Variants in RBMS3 observed in about 807,000 individuals in gnomAD.
RBMS3 encodes RNA-binding motif, single-stranded-interacting protein 3.
Under a neutral mutation model 66.8 loss-of-function variants are expected in RBMS3, and 27 were observed. The ratio of observed to expected loss-of-function variants is 0.40; its 90% CI spans 0.30 to 0.56. The LOEUF is 0.56. Among genes scored for constraint, RBMS3 ranks in the 20% least tolerant of loss-of-function variants. The pLI is 0.40. For missense variants in RBMS3, 513 were observed against 549.5 expected (o/e 0.93, Z 0.66); for synonymous variants, 188 against 183.0 (o/e 1.03, Z -0.22).
chr3:29,467,083 C>A (rs1288367492), intron 2 of RBMS3, among the ~76,000 whole-genome samples: 1 of 152,144 alleles, frequency 6.6e-6, no homozygotes, highest in Non-Finnish European at 1.5e-5. Flanking sequence ...GAAGAGTTTT[C>A]ATATACTCTA....
chr3:29,711,307 T>C (rs1185828431), intron 4 of RBMS3, among the ~76,000 whole-genome samples: 3 of 152,148 alleles, frequency 2.0e-5, no homozygotes, highest in Non-Finnish European at 4.4e-5. Flanking sequence ...GTAAAGGAAA[T>C]GGACATTGTG....
At position 29,543,006 on chromosome 3, in the gene RBMS3, G is replaced by A. The variant is rs542260652; in HGVS notation, c.308-44108G>A. ...TGATAAAACATGGGTTATAGTCACT[G>A]TGGGAAAGAATCCACTGCATAGCGT... On this transcript the variant is annotated intron_variant, in intron 3 of 14. Coordinates refer to ENST00000383767, the MANE Select transcript of RBMS3 (RefSeq NM_001003793.3). Among the ~76,000 whole-genome samples the A allele has an allele frequency of 8.5e-5, 13 of 152,298 alleles. No homozygotes were observed. In the South Asian group the frequency reaches 1.5e-3, roughly 17 times the overall value.
chr3:29,444,792 T>TTTTTTTTTTTTTTTTTTTTTTTTTTG (rs2041762462), intron 2 of RBMS3, among the ~76,000 whole-genome samples: 1 of 120,730 alleles, frequency 8.3e-6, no homozygotes, highest in Non-Finnish European at 1.7e-5. Flanking sequence ...ATATGCCTTT[T>TTTTTTTTTTTTTTTTTTTTTTTTTTG]TTTTTTTTTT....
intron 3 of RBMS3, among the ~76,000 whole-genome samples, chr3:29,540,044 T>C (rs2045701552): frequency 6.6e-6 from 1 of 152,208 alleles, no homozygotes; most frequent in Non-Finnish European, 1.5e-5. Flanking sequence ...TCATTCACGG[T>C]AAAAATGAAA....
At chr3:29,655,660 A>T (rs969952689) in intron 4 of RBMS3, among the ~76,000 whole-genome samples, 1 of 152,156 alleles carries the variant, frequency 6.6e-6, no homozygotes, top group African/African-American at 2.4e-5. Flanking sequence ...AATAAAGATT[A>T]TGTTATTGGT....
At chr3:29,731,974 T>C (rs2054157148) in intron 4 of RBMS3, among the ~76,000 whole-genome samples, 1 of 151,628 alleles carries the variant, frequency 6.6e-6, no homozygotes, top group Admixed American at 6.6e-5. Flanking sequence ...TCCGTCCCTT[T>C]ACCTTAATCT....
chr3:29,806,576 G>A (rs147482019), intron 6 of RBMS3, among the ~76,000 whole-genome samples: 27 of 151,976 alleles, frequency 1.8e-4, no homozygotes, highest in African/African-American at 6.5e-4. Context: ...ACTCAAAGAC[G>A]AGCACAGAGT....
chr3:29,641,655 C>T (rs2049719916), intron 4 of RBMS3, among the ~76,000 whole-genome samples: 4 of 151,982 alleles, frequency 2.6e-5, no homozygotes. Flanking sequence ...GATTTGGCCA[C>T]TTGTTTTTTT....
intron 1 of RBMS3, among the ~76,000 whole-genome samples, chr3:29,291,962 A>G (rs2032851769): frequency 6.6e-6 from 1 of 151,770 alleles, no homozygotes; most frequent in Non-Finnish European, 1.5e-5. Flanking sequence ...AAGCCTAGAC[A>G]TAGCCATCTT....
At chr3:29,709,520 G>T (rs191622992) in intron 4 of RBMS3, among the ~76,000 whole-genome samples, 1 of 152,268 alleles carries the variant, frequency 6.6e-6, no homozygotes, top group African/African-American at 2.4e-5. Flanking sequence ...TGAGTTATGT[G>T]TATGGCCTTA....
intron 4 of RBMS3, 90 bp downstream of exon 4, chr3:29,587,295 A>G (rs2047567360): frequency 2.9e-6 from 2 of 681,082 alleles, no homozygotes; most frequent in Non-Finnish European, 4.2e-6. Context: ...AGAGAGAGAG[A>G]TCAGGAGGAA....
chr3:29,987,044 A>G (rs1698435876), intron 12 of RBMS3, among the ~76,000 whole-genome samples: 1 of 152,216 alleles, frequency 6.6e-6, no homozygotes, highest in Non-Finnish European at 1.5e-5. Flanking sequence ...AATACTGAAT[A>G]TACTAAGATA....
rs548031550 is a variant in RBMS3, at chr3:29,431,301, C to CT, written c.76-3430dup. ...TGTTTCTTTCTTTCTTTTTCCTTTT[C>CT]TTTTTTTTTTTTGACAGAGTCTCAC... On this transcript the variant is annotated intron_variant, in intron 1 of 14. Transcript: ENST00000383767. 7.3e-4 allele frequency among the ~76,000 whole-genome samples: 97 copies of CT among 132,380 alleles called. 2 individuals carry two copies. The highest frequency in any genetic ancestry group is 4.1e-3 in the Middle Eastern group (1 of 244). The allele number at this position is 132,380 out of a possible 152,430, so 86.8% of individuals were successfully genotyped here. A position where few individuals can be genotyped will look rare whatever the true frequency, so the allele number is the denominator to read the frequency against.
At chr3:29,756,782 G>A (rs2055434766) in intron 5 of RBMS3, among the ~76,000 whole-genome samples, 2 of 152,006 alleles carry the variant, frequency 1.3e-5, no homozygotes, top group Non-Finnish European at 1.5e-5. Context: ...GACTCTCAAA[G>A]CACTTTATGT....
At chr3:29,347,920 A>T (rs1306223729) in intron 1 of RBMS3, among the ~76,000 whole-genome samples, 2 of 152,234 alleles carry the variant, frequency 1.3e-5, no homozygotes, top group Non-Finnish European at 2.9e-5. Flanking sequence ...ATTCACATTA[A>T]TATACTCAAT....
At chr3:29,505,458 A>G (rs2044145492) in intron 3 of RBMS3, among the ~76,000 whole-genome samples, 1 of 149,484 alleles carries the variant, frequency 6.7e-6, no homozygotes, top group African/African-American at 2.5e-5. Context: ...TTATTATTGT[A>G]GCTTTGTAGT....
intron 4 of RBMS3, among the ~76,000 whole-genome samples, chr3:29,709,522 A>G (rs1349453803): frequency 6.6e-6 from 1 of 152,168 alleles, no homozygotes; most frequent in East Asian, 1.9e-4. Flanking sequence ...AGTTATGTGT[A>G]TGGCCTTATG....
chr3:29,635,580 G>T (rs991439441), intron 4 of RBMS3, among the ~76,000 whole-genome samples: 1 of 151,744 alleles, frequency 6.6e-6, no homozygotes, highest in African/African-American at 2.4e-5. Context: ...AGTTTCTGCT[G>T]CCTTCTATCC....
Position 29,809,683 on chromosome 3 carries a change from AT to A in RBMS3, c.637+46703del, listed in dbSNP as rs574708630. Among the ~76,000 whole-genome samples, 5 of 151,134 alleles carry A rather than the reference AT, an allele frequency of 3.3e-5. No homozygotes were observed. The East Asian group carries it at 7.7e-4, about 23-fold the overall frequency. On this transcript the variant is annotated intron_variant, in intron 6 of 14. Coordinates refer to ENST00000383767, the MANE Select transcript of RBMS3 (RefSeq NM_001003793.3). ...CAAGGCTGTCACTATCTTCTCACAGATTTTTTTTTAGGAATTAGGAGAAAGT... is the reference window on the plus strand; with the variant it reads ...CAAGGCTGTCACTATCTTCTCACAGATTTTTTTTAGGAATTAGGAGAAAGT...
Sources: allele counts gnomAD v4.1 joint callset (sites outside exome capture counted in the v4.1 genomes callset), GRCh38; gene constraint gnomAD v4.1.1; transcripts MANE v1.5; gene names NCBI Gene and HGNC (gene_info 2026-07-23, HGNC 2026-07-21).